PHACTR3: variants seen among roughly 807,000 people sequenced by gnomAD.
PHACTR3 encodes the protein protein phosphatase 1, regulatory subunit 123.
In PHACTR3, 16 loss-of-function variants were observed where a neutral mutation model predicts 66.8. The observed-to-expected ratio is 0.24, with a 90% CI of 0.16 to 0.36. The LOEUF is 0.36. PHACTR3 is among the 10% of genes least tolerant of loss of function. PHACTR3 has a pLI of 1.00. For missense variants in PHACTR3, 647 were observed against 719.9 expected, an observed-to-expected ratio of 0.90 and a Z score of 1.16; for synonymous variants, 323 against 292.1, an observed-to-expected ratio of 1.11 and a Z score of -1.08.
chr20:59,797,957 T>C (rs2041302640), intron 7 of PHACTR3, among the ~76,000 whole-genome samples: 1 of 152,200 alleles, frequency 6.6e-6, no homozygotes, highest in Non-Finnish European at 1.5e-5. Flanking sequence ...TTTCTAGTTT[T>C]ACTTTGTCAG....
intron 7 of PHACTR3, among the ~76,000 whole-genome samples, chr20:59,776,986 G>T (rs1008870941): frequency 1.3e-5 from 2 of 152,210 alleles, no homozygotes; most frequent in Non-Finnish European, 2.9e-5. Context: ...GGTGACTTAT[G>T]ACCACAGAAT....
chr20:59,635,169 C>CTTTT (rs1555881178), intron 1 of PHACTR3, among the ~76,000 whole-genome samples: 2 of 55,374 alleles, frequency 3.6e-5, no homozygotes, highest in African/African-American at 1.5e-4. Flanking sequence ...TTCTTTCTTT[C>CTTTT]CTTTCTTTCT....
chr20:59,751,685 C>T (rs913198758), intron 3 of PHACTR3, among the ~76,000 whole-genome samples: 14 of 152,096 alleles, frequency 9.2e-5, no homozygotes, highest in African/African-American at 3.4e-4. Flanking sequence ...GACCCCCTCC[C>T]CTCTCGTTCC....
At chr20:59,776,329 T>C (rs1172246318) in intron 7 of PHACTR3, among the ~76,000 whole-genome samples, 1 of 152,228 alleles carries the variant, frequency 6.6e-6, no homozygotes, top group Non-Finnish European at 1.5e-5. Context: ...TAACTGGCCA[T>C]GGTCATGCAG....
intron 1 of PHACTR3, among the ~76,000 whole-genome samples, chr20:59,592,371 C>A (rs1271860826): frequency 1.3e-5 from 2 of 152,190 alleles, no homozygotes; most frequent in African/African-American, 4.8e-5. Context: ...CCCGTCCCAA[C>A]ATACATAGCT....
chr20:59,804,127 CCTT>C (rs2041498841), intron 7 of PHACTR3, among the ~76,000 whole-genome samples: 1 of 152,136 alleles, frequency 6.6e-6, no homozygotes, highest in African/African-American at 2.4e-5. Context: ...AACCTGGTAA[CCTT>C]CTGATACCTT....
At position 59,605,035 on chromosome 20, in the gene PHACTR3, G is replaced by A; in HGVS notation, c.21G>A (p.Gly7=). MAASED[G]SGCLVSRGRS... is the part of the protein sequence containing the mutation. ...GGCCCATGGCCGCGTCGGAGGACGG[G>A]AGCGGCTGCCTCGTGTCGCGGGGCC... Residue 7 remains glycine, a synonymous_variant, in exon 1 of 13, where the codon GGG becomes GGA. Coordinates refer to ENST00000371015, the MANE Select transcript of PHACTR3 (RefSeq NM_080672.5). 7.4e-7 allele frequency: 1 copy of A among 1,359,276 alleles called. No homozygotes were observed. Among genetic ancestry groups the A allele is most frequent in the South Asian group, 1.8e-5 (1 of 54,716 alleles). The allele number at this position is 1,359,276 out of a possible 1,614,324, so 84.2% of individuals were successfully genotyped here.
chr20:59,621,442 A>G (rs1191355307), intron 1 of PHACTR3, among the ~76,000 whole-genome samples: 1 of 152,240 alleles, frequency 6.6e-6, no homozygotes, highest in Non-Finnish European at 1.5e-5. Context: ...GGGACTGTCC[A>G]CAGTGTCAGG....
intron 1 of PHACTR3, among the ~76,000 whole-genome samples, chr20:59,615,414 G>A (rs949673506): frequency 6.6e-6 from 1 of 152,190 alleles, no homozygotes; most frequent in Non-Finnish European, 1.5e-5. Flanking sequence ...AAGGGGCATC[G>A]TGCATCCGGG....
chr20:59,651,782 C>A, intron 1 of PHACTR3, among the ~76,000 whole-genome samples: 1 of 151,978 alleles, frequency 6.6e-6, no homozygotes, highest in East Asian at 1.9e-4. Flanking sequence ...TCATAGTATT[C>A]ATTAGTCAGA....
At chr20:59,808,278 GCCA>G (rs1273452346) in intron 8 of PHACTR3, among the ~76,000 whole-genome samples, 8 of 152,362 alleles carry the variant, frequency 5.3e-5, no homozygotes, top group African/African-American at 1.9e-4. Context: ...GGTGCCAAGA[GCCA>G]CTGAGCAGGC....
At chr20:59,740,346 G>C (rs2039109439) in intron 1 of PHACTR3, among the ~76,000 whole-genome samples, 1 of 151,962 alleles carries the variant, frequency 6.6e-6, no homozygotes, top group African/African-American at 2.4e-5. Context: ...CTCTCTCTCT[G>C]TAGCCCAGGC....
rs1568945213 is a variant in PHACTR3 at position 59,629,957 on chromosome 20, C to T, written c.118+24825C>T. Among the ~76,000 whole-genome samples the T allele has an allele frequency of 2.6e-5, 4 of 152,076 alleles. No homozygotes were observed. In the South Asian group the frequency reaches 6.2e-4, roughly 24 times the overall value. On this transcript the variant is annotated intron_variant, in intron 1 of 12. Coordinates refer to ENST00000371015, the MANE Select transcript of PHACTR3 (RefSeq NM_080672.5). ...TCTAGGCAGCCAAGGGGGTTCCATGCAGCCAAAGGAAAGAAGAAACTTTCC... is the reference window on the plus strand; with the variant it reads ...TCTAGGCAGCCAAGGGGGTTCCATGTAGCCAAAGGAAAGAAGAAACTTTCC...
chr20:59,594,442 G>A (rs1261880416), intron 1 of PHACTR3, among the ~76,000 whole-genome samples: 3 of 150,234 alleles, frequency 2.0e-5, no homozygotes, highest in Admixed American at 6.6e-5. Flanking sequence ...TCCTTTTCCT[G>A]TCTTATGGCA....
chr20:59,627,856 T>A (rs1166228560), intron 1 of PHACTR3, among the ~76,000 whole-genome samples: 1 of 152,238 alleles, frequency 6.6e-6, no homozygotes, highest in African/African-American at 2.4e-5. Flanking sequence ...TATCTATTTT[T>A]ATTTATGTAT....
chr20:59,766,013 C>T (rs1161420540), intron 4 of PHACTR3, among the ~76,000 whole-genome samples: 1 of 152,172 alleles, frequency 6.6e-6, no homozygotes, highest in Non-Finnish European at 1.5e-5. Flanking sequence ...AGTGCTGGTC[C>T]CAGGGAGACC....
At chr20:59,776,895 G>A (rs1164668145) in intron 7 of PHACTR3, among the ~76,000 whole-genome samples, 2 of 152,170 alleles carry the variant, frequency 1.3e-5, no homozygotes, top group East Asian at 1.9e-4. Context: ...GCACAGGGAC[G>A]CCTCCTGCTC....
chr20:59,672,590 T>C (rs1344527868), intron 1 of PHACTR3, among the ~76,000 whole-genome samples: 1 of 152,194 alleles, frequency 6.6e-6, no homozygotes, highest in Non-Finnish European at 1.5e-5. Flanking sequence ...GGGCAGCCTC[T>C]AAGGATGTGA....
chr20:59,667,155 C>T (rs2036020154), intron 1 of PHACTR3, among the ~76,000 whole-genome samples: 1 of 152,176 alleles, frequency 6.6e-6, no homozygotes, highest in African/African-American at 2.4e-5. Context: ...TCATTTAAAC[C>T]TCTCTCTTCT....
Sources: allele counts gnomAD v4.1 joint callset (sites outside exome capture counted in the v4.1 genomes callset), GRCh38; gene constraint gnomAD v4.1.1; transcripts MANE v1.5; gene names NCBI Gene and HGNC (gene_info 2026-07-23, HGNC 2026-07-21).